CSPP1: variants seen among roughly 807,000 people sequenced by gnomAD.
CSPP1 encodes centrosome and spindle pole-associated protein 1.
CSPP1 carries 126 observed loss-of-function variants against 164.4 expected under a neutral mutation model. The ratio of observed to expected loss-of-function variants is 0.77; its 90% confidence interval spans 0.66 to 0.89. The LOEUF is 0.89. CSPP1 is among the 40% of genes least tolerant of loss of function. The pLI is 0.00. For missense variants in CSPP1, 1,395 were observed against 1,449.8 expected (o/e 0.96, Z 0.61); for synonymous variants, 472 against 476.7 (o/e 0.99, Z 0.13).
chr8:67,150,863 A>G (rs899547457), intron 18 of CSPP1, among the ~76,000 whole-genome samples: 12 of 152,242 alleles, frequency 7.9e-5, no homozygotes, highest in African/African-American at 2.7e-4. Context: ...AGCACCTCAC[A>G]CTATATTTTG....
chr8:67,113,746 T>G, intron 10 of CSPP1, 59 bp from the exon 11 acceptor site: 1 of 865,124 alleles, frequency 1.2e-6, no homozygotes, highest in Non-Finnish European at 1.8e-6. Flanking sequence ...TCAGTGATGA[T>G]TTATAATTTT....
At position 67,195,068 on chromosome 8, in the gene CSPP1, C is replaced by T. The variant is rs117095869; in HGVS notation, c.3470-314C>T. 4.3e-3 allele frequency among the ~76,000 whole-genome samples: 659 copies of T among 152,270 alleles called. 1 individual carries two copies. The highest frequency in any genetic ancestry group is 7.4e-3 in the Non-Finnish European group (502 of 68,018). Reference sequence around the variant, plus strand: ...TTACAAAATAAGACTACCTACATTCCTCCTGTTGACTTTGTTTTATGGAGA... The same window carrying T: ...TTACAAAATAAGACTACCTACATTCTTCCTGTTGACTTTGTTTTATGGAGA... On this transcript the variant is annotated intron_variant, in intron 30 of 30. Transcript: ENST00000678616.
intron 4 of CSPP1, among the ~76,000 whole-genome samples, chr8:67,088,507 C>T (rs1810896001): frequency 6.6e-6 from 1 of 151,398 alleles, no homozygotes; most frequent in African/African-American, 2.4e-5. Context: ...CCAGGCTGGT[C>T]TCAAACTCCT....
Position 67,172,416 on chromosome 8 carries a change from GA to G in CSPP1, c.2834del (p.Lys945ArgfsTer28). ...ATTATGATTTGTCATTTATCTATAG[GA>G]AAAAGGAAAGGAATCCCATGGATAT... Reference protein sequence around the residue: ...MDSDDEIPIRKKERNPMDIFD... With the variant: ...MDSDDEIPIRXKERNPMDIFD... On this transcript the variant is annotated frameshift_variant and splice_region_variant, in exon 25 of 31. Coordinates refer to ENST00000678616, the MANE Select transcript of CSPP1 (RefSeq NM_001382391.1). LOFTEE classifies it high-confidence loss of function. 6.2e-7 allele frequency: 1 copy of G among 1,610,230 alleles called. No individual in the cohort carries two copies. The highest frequency in any genetic ancestry group is 8.5e-7 in the Non-Finnish European group (1 of 1,177,526).
chr8:67,193,705 T>C (rs1837067704), intron 30 of CSPP1, 103 bp downstream of exon 30: 2 of 999,934 alleles, frequency 2.0e-6, no homozygotes, highest in South Asian at 3.2e-5. Flanking sequence ...TGGAATGAGT[T>C]TGAAGACCTT....
chr8:67,143,810 TTGCTAAACTCACTTG>T (rs1210701444), intron 17 of CSPP1, among the ~76,000 whole-genome samples: 31 of 152,242 alleles, frequency 2.0e-4, no homozygotes, highest in Non-Finnish European at 5.9e-5. Context: ...GTCTGTGTGG[TTGCTAAACTCACTTG>T]TTAGTTTTAG....
chr8:67,105,350 A>G (rs1815264452), intron 8 of CSPP1, among the ~76,000 whole-genome samples: 1 of 151,908 alleles, frequency 6.6e-6, no homozygotes, highest in Admixed American at 6.6e-5. Flanking sequence ...TTGAGAACCT[A>G]TACAGCCAGT....
At chr8:67,191,502 C>T (rs887042693) in intron 29 of CSPP1, among the ~76,000 whole-genome samples, 3 of 152,164 alleles carry the variant, frequency 2.0e-5, no homozygotes, top group African/African-American at 7.2e-5. Flanking sequence ...TGTGCCTTTT[C>T]TGGACATTTC....
rs1456578001 is a variant in CSPP1, at chr8:67,137,222, C to T, written c.1828-234C>T. Among the ~76,000 whole-genome samples, 10 of 152,048 alleles carry T rather than the reference C, an allele frequency of 6.6e-5. No homozygotes were observed. The East Asian group carries it at 1.8e-3, about 27-fold the overall frequency. On this transcript the variant is annotated intron_variant, in intron 16 of 30. Coordinates refer to ENST00000678616, the MANE Select transcript of CSPP1 (RefSeq NM_001382391.1). ...TCTTGAACTCTTGACCTTAAGTGAT[C>T]TGCCCACCTTGGCCTCCATAGGCAT...
At chr8:67,083,079 G>T (rs752773265) in intron 3 of CSPP1, among the ~76,000 whole-genome samples, 7 of 152,030 alleles carry the variant, frequency 4.6e-5, no homozygotes, top group Non-Finnish European at 7.4e-5. Flanking sequence ...GACAAAATAA[G>T]AATTAAAAAG....
intron 1 of CSPP1, chr8:67,065,594 A>C: frequency 8.2e-6 from 6 of 735,272 alleles, no homozygotes; most frequent in Non-Finnish European, 1.0e-5. Context: ...CTTTCTGGTG[A>C]TTAAATGTCT....
intron 25 of CSPP1, chr8:67,173,376 G>A (rs973722457): frequency 6.6e-6 from 1 of 152,210 alleles, no homozygotes; most frequent in Admixed American, 6.5e-5. Flanking sequence ...TGGAGAATGT[G>A]TGGAGGAACC....
rs796384901 is a variant in CSPP1 at position 67,184,943 on chromosome 8, CAAAAAAA to C, written c.3220+5034_3220+5040del. On this transcript the variant is annotated intron_variant, in intron 28 of 30. Transcript: ENST00000678616. ...TGAAATCATGTCTCTACTAAAAATACAAAAAAAAAAAAAAAAAAAAAAAGGTGGTGGG... is the reference window on the plus strand; with the variant it reads ...TGAAATCATGTCTCTACTAAAAATACAAAAAAAAAAAAAAAAGGTGGTGGG... Among the ~76,000 whole-genome samples, 5 of 56,092 alleles carry C rather than the reference CAAAAAAA, an allele frequency of 8.9e-5. 1 individual carries two copies. In the South Asian group the frequency reaches 3.5e-3, roughly 39 times the overall value. 36.8% of individuals were successfully genotyped at this position (56,092 alleles called of 152,430 possible).
intron 29 of CSPP1, among the ~76,000 whole-genome samples, chr8:67,192,065 T>TG (rs200473973): frequency 1.1e-4 from 15 of 142,572 alleles, no homozygotes; most frequent in Non-Finnish European, 1.1e-4. Flanking sequence ...TTTGCTGATT[T>TG]GTTTTTTTTT....
chr8:67,133,852 C>CA (rs1239003949), intron 16 of CSPP1: 1 of 152,208 alleles, frequency 6.6e-6, no homozygotes, highest in Non-Finnish European at 1.5e-5. Flanking sequence ...ACAGTGTTCA[C>CA]AACATCTTTA....
At chr8:67,113,744 G>T (rs563766502) in intron 10 of CSPP1, 61 bp from the exon 11 acceptor site, 5 of 848,856 alleles carry the variant, frequency 5.9e-6, no homozygotes, top group African/African-American at 3.5e-5. Flanking sequence ...TTTCAGTGAT[G>T]ATTTATAATT....
At chr8:67,100,572 C>T (rs1020265690) in intron 7 of CSPP1, among the ~76,000 whole-genome samples, 5 of 150,960 alleles carry the variant, frequency 3.3e-5, no homozygotes, top group Admixed American at 6.6e-5. Flanking sequence ...CTTTAAATTT[C>T]TATTTAATTT....
At chr8:67,193,837 A>G (rs149443841) in intron 30 of CSPP1, among the ~76,000 whole-genome samples, 2 of 152,354 alleles carry the variant, frequency 1.3e-5, no homozygotes, top group African/African-American at 4.8e-5. Flanking sequence ...AACAGGTAAA[A>G]TAGTTTTTGC....
At chr8:67,155,120 A>G (rs969420714) in intron 19 of CSPP1, among the ~76,000 whole-genome samples, 1 of 152,146 alleles carries the variant, frequency 6.6e-6, no homozygotes, top group Non-Finnish European at 1.5e-5. Context: ...TTACTCCCAT[A>G]CTGGGGGTAC....
Sources: gnomAD v4.1 joint callset for allele counts (sites outside exome capture counted in the v4.1 genomes callset) on GRCh38, gnomAD v4.1.1 for gene constraint, MANE v1.5 for transcripts, NCBI Gene and HGNC (gene_info 2026-07-23, HGNC 2026-07-21) for gene names.